Variants in PIEZO1 observed in about 807,000 individuals in gnomAD.
PIEZO1 encodes piezo-type mechanosensitive ion channel component 1.
Under a neutral mutation model 297.2 loss-of-function variants are expected in PIEZO1, and 296 were observed. That is an observed-to-expected ratio of 1.00 (90% CI 0.91 to 1.10). The LOEUF is 1.10. Ranked by LOEUF, PIEZO1 falls within the 50% of genes least tolerant of loss-of-function variation. The pLI is 0.00. For synonymous variants in PIEZO1, 2,427 were observed against 1,507.5 expected, an observed-to-expected ratio of 1.61 and a Z score of -14.13; for missense variants, 5,018 against 3,455.5, an observed-to-expected ratio of 1.45 and a Z score of -11.34.
intron 1 of PIEZO1, among the ~76,000 whole-genome samples, chr16:88,760,209 C>A (rs994725084): frequency 5.9e-5 from 9 of 152,158 alleles, no homozygotes; most frequent in Non-Finnish European, 1.0e-4. Flanking sequence ...ACGGCTGAGC[C>A]ACGGGCTCCG....
intron 1 of PIEZO1, among the ~76,000 whole-genome samples, chr16:88,781,274 C>T (rs1907923976): frequency 6.6e-6 from 1 of 152,174 alleles, no homozygotes; most frequent in African/African-American, 2.4e-5. Flanking sequence ...AGACTGTGCG[C>T]CCCCACCCAC....
chr16:88,752,583 G>C (rs113990947), intron 1 of PIEZO1, among the ~76,000 whole-genome samples: 10,326 of 152,298 alleles, frequency 0.068, 1,178 homozygotes, highest in African/African-American at 0.24. Flanking sequence ...GCTGCAAGGG[G>C]CTGGGGCTGG....
At position 88,725,048 on chromosome 16, in the gene PIEZO1, G is replaced by A. The variant is rs762099228; in HGVS notation, c.4195C>T (p.Arg1399Trp). Reference protein sequence around the residue: ...PDSPGGSSPPRRQWWRPWLDH... With the variant: ...PDSPGGSSPPWRQWWRPWLDH... The stretch of plus-strand genomic sequence containing the variant: ...AGCCAGGGCCGCCACCACTGCCTCC[G>A]TGGCGGGGAGGAGCCCCCTGGACTG... The change falls in exon 30 of 51, where the codon CGG (arginine) becomes TGG (tryptophan). Residue 1399 changes from arginine (R) to tryptophan (W), a missense_variant. Transcript: ENST00000301015. 1.0e-5 allele frequency: 15 copies of A among 1,500,888 alleles called. No homozygotes were observed. The highest frequency in any genetic ancestry group is 1.8e-4 in the Middle Eastern group (1 of 5,660). The allele number at this position is 1,500,888 out of a possible 1,614,324, so 93.0% of individuals were successfully genotyped here. A position where few individuals can be genotyped will look rare whatever the true frequency, so the allele number is the denominator to read the frequency against.
rs942687239 is a variant in PIEZO1 at position 88,726,346 on chromosome 16, G to A, written c.3906C>T (p.Phe1302=). Reference sequence around the variant, plus strand: ...TGACGTGCAGGTAGTAATGGCTAAGGAAGACGCGGCGCTGCAGCAGCAGGA... The same window carrying A: ...TGACGTGCAGGTAGTAATGGCTAAGAAAGACGCGGCGCTGCAGCAGCAGGA... ...FFFLLLQRRV[F]LSHYYLHVRA... The change falls in exon 27 of 51, where the codon TTC becomes TTT. Residue 1302 remains phenylalanine, a synonymous_variant. Transcript: ENST00000301015. The A allele has an allele frequency of 8.4e-6, 13 of 1,550,336 alleles. No individual in the cohort carries two copies. In the African/African-American group the frequency reaches 1.2e-4, roughly 15 times the overall value.
At position 88,716,341 on chromosome 16, in the gene PIEZO1, C is replaced by G. The variant is rs903839506; in HGVS notation, c.7049+20G>C. 5 of 1,512,200 alleles carry G rather than the reference C, an allele frequency of 3.3e-6. No individual in the cohort carries two copies. The highest frequency in any genetic ancestry group is 4.4e-6 in the Non-Finnish European group (5 of 1,124,798). 93.7% of individuals were successfully genotyped at this position (1,512,200 alleles called of 1,614,324 possible). A position where few individuals can be genotyped will look rare whatever the true frequency, so the allele number is the denominator to read the frequency against. Reference sequence around the variant, plus strand: ...AACCTGGCACAGCCCTCCTGCCCACCACCCGGGCCCTTCACTCACACAGAC... The same window carrying G: ...AACCTGGCACAGCCCTCCTGCCCACGACCCGGGCCCTTCACTCACACAGAC... On this transcript the variant is annotated intron_variant, in intron 48 of 50. Coordinates refer to ENST00000301015, the MANE Select transcript of PIEZO1 (RefSeq NM_001142864.4).
At position 88,731,874 on chromosome 16, in the gene PIEZO1, G is replaced by A. The variant is rs757180228; in HGVS notation, c.3028C>T (p.Arg1010Cys). 4.1e-5 allele frequency: 49 copies of A among 1,200,288 alleles called. No homozygotes were observed. The highest frequency in any genetic ancestry group is 4.7e-5 in the Non-Finnish European group (45 of 952,142). 74.4% of individuals were successfully genotyped at this position (1,200,288 alleles called of 1,614,324 possible). A position where few individuals can be genotyped will look rare whatever the true frequency, so the allele number is the denominator to read the frequency against. The change falls in exon 22 of 51, where the codon CGC becomes TGC. Residue 1010 changes from arginine to cysteine, a missense_variant. Arg to Cys is a radical substitution (Grantham distance 180, BLOSUM62 -3). Transcript: ENST00000301015. ...TGCAGGGTCACCAGAAAGTTCATGC[G>A]CTGCCCGATCACGTTCACGGCCATC... Reference protein sequence around the residue: ...FLMAVNVIGQRMNFLVTLHGC... With the variant: ...FLMAVNVIGQCMNFLVTLHGC...
rs751590189 is a variant in PIEZO1 at position 88,721,404 on chromosome 16, C to T, written c.5430G>A (p.Glu1810=). 39 of 1,549,694 alleles carry T rather than the reference C, an allele frequency of 2.5e-5. No homozygotes were observed. In the South Asian group the frequency reaches 4.5e-4, roughly 18 times the overall value. The change falls in exon 39 of 51, where the codon GAG becomes GAA. Residue 1810 remains glutamate (E), a synonymous_variant. Transcript: ENST00000301015. ...TGTCATGCTCCTTGGATGGTGAGTCCTCCTCATGGTCCCAGAGGCCATAGC... is the reference window on the plus strand; with the variant it reads ...TGTCATGCTCCTTGGATGGTGAGTCTTCCTCATGGTCCCAGAGGCCATAGC... ...LLCYGLWDHE[E]DSPSKEHDKS... is the part of the protein sequence containing the mutation.
chr16:88,721,285 G>A lies in PIEZO1; in HGVS notation c.5549C>T (p.Pro1850Leu), dbSNP rs1471740536. ...TTGGGGTTCTGGGGTCCCGTCCGTGGGTCCGACCCTGGCTTCCACCTGAAT... is the reference window on the plus strand; with the variant it reads ...TTGGGGTTCTGGGGTCCCGTCCGTGAGTCCGACCCTGGCTTCCACCTGAAT... The part of the protein sequence containing the change: ...DHIQVEARVG[P>L]TDGTPEPQVE... The change falls in exon 39 of 51, where the codon CCC (proline) becomes CTC (leucine). Residue 1850 changes from proline (P) to leucine (L), a missense_variant. Pro to Leu is a moderately conservative substitution (Grantham distance 98). Transcript: ENST00000301015. 3 of 1,544,784 alleles carry A rather than the reference G, an allele frequency of 1.9e-6. No homozygotes were observed. The highest frequency in any genetic ancestry group is 1.4e-5 in the African/African-American group (1 of 73,066).
rs1026737466 is a variant in PIEZO1, at chr16:88,715,402, G to A, written c.*203C>T. The A allele has an allele frequency of 5.0e-6, 5 of 999,954 alleles. No homozygotes were observed. Among genetic ancestry groups the A allele is most frequent in the Admixed American group, 2.7e-5 (1 of 37,448 alleles). The allele number at this position is 999,954 out of a possible 1,614,324, so 61.9% of individuals were successfully genotyped here. A position where few individuals can be genotyped will look rare whatever the true frequency, so the allele number is the denominator to read the frequency against. ...AAAAAAAAAACTCTACAGTACACGT[G>A]GGGGACGGCAGCGCCACGCAGGCCG... On this transcript the variant is annotated 3_prime_UTR_variant, in exon 51 of 51. Coordinates refer to ENST00000301015, the MANE Select transcript of PIEZO1 (RefSeq NM_001142864.4).
At chr16:88,765,215 A>G (rs977216773) in intron 1 of PIEZO1, among the ~76,000 whole-genome samples, 1 of 152,170 alleles carries the variant, frequency 6.6e-6, no homozygotes, top group African/African-American at 2.4e-5. Flanking sequence ...GAGGAATGCA[A>G]CCTGGCCACC....
intron 27 of PIEZO1, 124 bp from the exon 28 acceptor site, chr16:88,725,808 G>C (rs1156230128): frequency 1.3e-5 from 8 of 637,536 alleles, no homozygotes; most frequent in East Asian, 1.1e-4. Flanking sequence ...CTGGACAAGA[G>C]GCACCCACGG....
At chr16:88,764,242 T>C (rs367863393) in intron 1 of PIEZO1, among the ~76,000 whole-genome samples, 62 of 151,772 alleles carry the variant, frequency 4.1e-4, no homozygotes, top group East Asian at 2.1e-3. Flanking sequence ...GGAGATGGGG[T>C]CCTCTTGAAG....
chr16:88,765,735 C>T (rs1158123660), intron 1 of PIEZO1, among the ~76,000 whole-genome samples: 2 of 149,378 alleles, frequency 1.3e-5, no homozygotes, highest in East Asian at 3.9e-4. Context: ...AGTGCAGTGG[C>T]ACAATCTCGC....
rs1423657754 is a variant in PIEZO1, at chr16:88,733,539, C to T, written c.2487+49G>A. 3 of 1,528,332 alleles carry T rather than the reference C, an allele frequency of 2.0e-6. No individual in the cohort carries two copies. In the East Asian group the frequency reaches 7.4e-5, roughly 38 times the overall value. 94.7% of individuals were successfully genotyped at this position (1,528,332 alleles called of 1,614,324 possible). Reference sequence around the variant, plus strand: ...GCTTGGGGAGGCCAGCTGGGCAGGCCAGAGCGACCCCACCCCAGATGGGAA... The same window carrying T: ...GCTTGGGGAGGCCAGCTGGGCAGGCTAGAGCGACCCCACCCCAGATGGGAA... On this transcript the variant is annotated intron_variant, in intron 18 of 50. Coordinates refer to ENST00000301015, the MANE Select transcript of PIEZO1 (RefSeq NM_001142864.4).
intron 1 of PIEZO1, among the ~76,000 whole-genome samples, chr16:88,770,011 C>T (rs369105926): frequency 6.6e-5 from 10 of 152,318 alleles, no homozygotes; most frequent in Admixed American, 2.6e-4. Context: ...GGGACCCCCA[C>T]GCCTCTGCCC....
chr16:88,733,489 G>A, intron 18 of PIEZO1, 35 bp from the exon 19 acceptor site: 2 of 1,537,538 alleles, frequency 1.3e-6, no homozygotes, highest in Non-Finnish European at 1.8e-6. Flanking sequence ...TGGGCTTGGG[G>A]AGGGCAGTGG....
In PIEZO1 at chr16:88,715,365, C is replaced by A. The variant is rs1454044154; in HGVS notation, c.*240G>T. On this transcript the variant is annotated 3_prime_UTR_variant, in exon 51 of 51. Transcript: ENST00000301015. Reference sequence around the variant, plus strand: ...TGATTGTCCATTTGTATAAATAAAACATTTTTTAATTAAAAAAAAAACTCT... The same window carrying A: ...TGATTGTCCATTTGTATAAATAAAAAATTTTTTAATTAAAAAAAAAACTCT... 7.5e-6 allele frequency: 9 copies of A among 1,206,298 alleles called. No homozygotes were observed. The highest frequency in any genetic ancestry group is 3.1e-5 in the African/African-American group (2 of 65,092). The allele number at this position is 1,206,298 out of a possible 1,614,324, so 74.7% of individuals were successfully genotyped here. A position where few individuals can be genotyped will look rare whatever the true frequency, so the allele number is the denominator to read the frequency against.
chr16:88,739,026 T>C, intron 5 of PIEZO1: 1 of 508,372 alleles, frequency 2.0e-6, no homozygotes, highest in Middle Eastern at 5.4e-4. Context: ...GTGATGACCT[T>C]GCCAGGTACA....
chr16:88,723,492 T>G (rs925977009), intron 31 of PIEZO1, among the ~76,000 whole-genome samples, 164 bp from the exon 32 acceptor site: 3 of 152,264 alleles, frequency 2.0e-5, no homozygotes, highest in Admixed American at 6.5e-5. Flanking sequence ...TGAGGGGCTG[T>G]GGGGGAAGAC....
Sources: gnomAD v4.1 joint callset for allele counts (sites outside exome capture counted in the v4.1 genomes callset) on GRCh38, gnomAD v4.1.1 for gene constraint, MANE v1.5 for transcripts, NCBI Gene and HGNC (gene_info 2026-07-23, HGNC 2026-07-21) for gene names.